LRMDA: variants seen among roughly 807,000 people sequenced by gnomAD.
LRMDA encodes leucine-rich melanocyte differentiation-associated protein.
A neutral mutation model predicts 29.8 loss-of-function variants in LRMDA; 18 were observed. The observed-to-expected ratio is 0.60, with a 90% confidence interval of 0.42 to 0.90. The LOEUF is 0.90. Ranked by LOEUF, LRMDA falls within the 40% of genes least tolerant of loss-of-function variation. The pLI, the probability that LRMDA is intolerant of heterozygous loss-of-function variation, is 0.00. For synonymous variants in LRMDA, 125 were observed against 109.4 expected, an observed-to-expected ratio of 1.14 and a Z score of -0.89; for missense variants, 273 against 273.9, an observed-to-expected ratio of 1.00 and a Z score of 0.02.
At chr10:76,175,956 C>T (rs565975647) in intron 5 of LRMDA, among the ~76,000 whole-genome samples, 1 of 152,302 alleles carries the variant, frequency 6.6e-6, no homozygotes, top group East Asian at 1.9e-4. Flanking sequence ...AGCCGCTCTG[C>T]CTGCCATAGC....
intron 6 of LRMDA, among the ~76,000 whole-genome samples, chr10:76,430,861 T>G (rs1842183360): frequency 6.6e-6 from 1 of 152,168 alleles, no homozygotes; most frequent in African/African-American, 2.4e-5. Context: ...CTCCACAAAT[T>G]CAAGGCCAAA....
At chr10:76,383,466 C>CA (rs1268925967) in intron 6 of LRMDA, among the ~76,000 whole-genome samples, 1 of 141,648 alleles carries the variant, frequency 7.1e-6, no homozygotes, top group Admixed American at 7.1e-5. Flanking sequence ...CTCTGTCGCC[C>CA]AGGCCGGACT....
At chr10:76,381,505 G>A (rs767172920) in intron 6 of LRMDA, among the ~76,000 whole-genome samples, 3 of 151,888 alleles carry the variant, frequency 2.0e-5, no homozygotes, top group South Asian at 2.1e-4. Flanking sequence ...TTACCATCTC[G>A]CAATAATCCA....
rs542617763 is a variant in LRMDA at position 76,273,247 on chromosome 10, T to C, written c.517-51154T>C. 6.6e-5 allele frequency among the ~76,000 whole-genome samples: 10 copies of C among 152,306 alleles called. 1 individual carries two copies. The South Asian group carries it at 1.0e-3, about 16-fold the overall frequency. On this transcript the variant is annotated intron_variant, in intron 5 of 6. Coordinates refer to ENST00000611255, the MANE Select transcript of LRMDA (RefSeq NM_001305581.2). ...GGCTTCATGGAAAGCTGTAGTGTTT[T>C]GGGCTAGTATTTACCATTAGATCTA...
intron 2 of LRMDA, among the ~76,000 whole-genome samples, chr10:76,020,357 A>G (rs1847953350): frequency 6.6e-6 from 1 of 152,200 alleles, no homozygotes; most frequent in African/African-American, 2.4e-5. Flanking sequence ...AATGATAGGG[A>G]GGGAAGAGCA....
intron 2 of LRMDA, among the ~76,000 whole-genome samples, chr10:75,753,832 G>A (rs1392047969): frequency 6.6e-6 from 1 of 151,290 alleles, no homozygotes; most frequent in Non-Finnish European, 1.5e-5. Flanking sequence ...CACAGTCATT[G>A]TGGTGGTCAT....
intron 2 of LRMDA, among the ~76,000 whole-genome samples, chr10:75,982,566 A>G (rs1847191781): frequency 1.3e-5 from 2 of 152,320 alleles, no homozygotes; most frequent in Admixed American, 1.3e-4. Flanking sequence ...AAAAGTATCT[A>G]CAATGACTAG....
At chr10:75,943,183 A>G (rs577582438) in intron 2 of LRMDA, among the ~76,000 whole-genome samples, 5 of 150,820 alleles carry the variant, frequency 3.3e-5, no homozygotes, top group East Asian at 1.9e-4. Context: ...AAAAAAAAGG[A>G]CTATGAGATA....
intron 2 of LRMDA, among the ~76,000 whole-genome samples, chr10:75,647,074 TTGCCCAA>T (rs2132123693): frequency 1.2e-5 from 1 of 85,084 alleles, no homozygotes; most frequent in East Asian, 3.2e-4. Context: ...GAGATGGAGC[TTGCCCAA>T]CGCTGCTTTT....
intron 2 of LRMDA, among the ~76,000 whole-genome samples, chr10:75,534,447 C>A (rs1839919946): frequency 7.0e-5 from 2 of 28,494 alleles, no homozygotes; most frequent in African/African-American, 1.1e-4. Context: ...ACTCTTAGAA[C>A]TTTGCTTTCT....
At chr10:76,063,506 T>C (rs1848736094) in intron 5 of LRMDA, among the ~76,000 whole-genome samples, 1 of 152,106 alleles carries the variant, frequency 6.6e-6, no homozygotes, top group Non-Finnish European at 1.5e-5. Context: ...TAGTTTGTTG[T>C]AGCTTGTATA....
At chr10:75,782,940 A>T (rs1216251656) in intron 2 of LRMDA, 1 of 1,613,412 alleles carries the variant, frequency 6.2e-7, no homozygotes, top group African/African-American at 1.3e-5. Context: ...TGTAGCCATC[A>T]AGAATTTGAA....
chr10:75,697,211 G>A (rs966170046), intron 2 of LRMDA, among the ~76,000 whole-genome samples: 3 of 152,084 alleles, frequency 2.0e-5, no homozygotes, highest in African/African-American at 7.2e-5. Context: ...CCCTTTAAGA[G>A]TGTGAGGGAT....
At chr10:76,524,598 ATGG>A in intron 6 of LRMDA, among the ~76,000 whole-genome samples, 1 of 152,228 alleles carries the variant, frequency 6.6e-6, no homozygotes, top group Non-Finnish European at 1.5e-5. Flanking sequence ...AAACAGCGTG[ATGG>A]CTCTCAGCTC....
At chr10:75,582,473 G>C (rs1840606475) in intron 2 of LRMDA, among the ~76,000 whole-genome samples, 1 of 152,196 alleles carries the variant, frequency 6.6e-6, no homozygotes, top group African/African-American at 2.4e-5. Context: ...AGCCATGACT[G>C]GAGCTGGAGT....
At chr10:75,983,593 A>G (rs1001150210) in intron 2 of LRMDA, among the ~76,000 whole-genome samples, 4 of 152,288 alleles carry the variant, frequency 2.6e-5, no homozygotes, top group Non-Finnish European at 2.9e-5. Flanking sequence ...ATATGCGTCT[A>G]TGTATGTGAA....
chr10:76,234,182 T>C (rs887712060), intron 5 of LRMDA, among the ~76,000 whole-genome samples: 3 of 152,242 alleles, frequency 2.0e-5, no homozygotes, highest in African/African-American at 4.8e-5. Context: ...TAAAACAGCA[T>C]TGATCTCCTT....
chr10:75,724,190 G>C (rs922427469), intron 2 of LRMDA, among the ~76,000 whole-genome samples: 1 of 152,112 alleles, frequency 6.6e-6, no homozygotes, highest in Admixed American at 6.5e-5. Flanking sequence ...CACTCTACTT[G>C]GTTGTGGAGT....
chr10:76,244,645 C>T (rs1054227391), intron 5 of LRMDA, among the ~76,000 whole-genome samples: 1 of 152,072 alleles, frequency 6.6e-6, no homozygotes, highest in Non-Finnish European at 1.5e-5. Flanking sequence ...ACATTCCCAG[C>T]CATGGAGAAG....
Sources: gnomAD v4.1 joint callset for allele counts (sites outside exome capture counted in the v4.1 genomes callset) on GRCh38, gnomAD v4.1.1 for gene constraint, MANE v1.5 for transcripts, NCBI Gene and HGNC (gene_info 2026-07-23, HGNC 2026-07-21) for gene names.